WDR49: variants seen among roughly 807,000 people sequenced by gnomAD.
WDR49 encodes WD repeat domain 49, also known as cilia- and flagella-associated protein 337.
In WDR49, 107 loss-of-function variants were observed where a neutral mutation model predicts 119.5. The ratio of observed to expected loss-of-function variants is 0.90; its 90% confidence interval spans 0.77 to 1.05. The LOEUF is 1.05. WDR49 is among the 50% of genes least tolerant of loss of function. The pLI, the probability that WDR49 is intolerant of heterozygous loss-of-function variation, is 0.00. For missense variants in WDR49, 1,240 were observed against 1,220.5 expected, an observed-to-expected ratio of 1.02 and a Z score of -0.24; for synonymous variants, 425 against 418.8, an observed-to-expected ratio of 1.01 and a Z score of -0.18.
intron 5 of WDR49, among the ~76,000 whole-genome samples, chr3:167,618,584 A>G (rs1269992084): frequency 1.3e-5 from 2 of 152,176 alleles, no homozygotes. Context: ...ATTTTTAACT[A>G]TATATGTACA....
chr3:167,609,346 C>T (rs968173583), intron 5 of WDR49, among the ~76,000 whole-genome samples: 2 of 151,920 alleles, frequency 1.3e-5, no homozygotes, highest in African/African-American at 2.4e-5. Flanking sequence ...CCTTCTCCAC[C>T]CCTACCAGCA....
chr3:167,590,675 CAAGTTATT>C (rs1261104861), intron 7 of WDR49, among the ~76,000 whole-genome samples: 2 of 151,948 alleles, frequency 1.3e-5, no homozygotes, highest in Admixed American at 6.6e-5. Flanking sequence ...CCAGATTTGT[CAAGTTATT>C]AACATATAGT....
chr3:167,585,920 A>G (rs1201988433), intron 7 of WDR49, among the ~76,000 whole-genome samples: 1 of 152,140 alleles, frequency 6.6e-6, no homozygotes. Context: ...ATCATTTGCA[A>G]TTTTTATAGG....
At position 167,522,368 on chromosome 3, in the gene WDR49, G is replaced by C; in HGVS notation, c.2721C>G (p.Asp907Glu). Reference protein sequence around the residue: ...SLFSKEESCLDPTEHSLLNKK... With the variant: ...SLFSKEESCLEPTEHSLLNKK... ...TATTAAGTAGAGAATGTTCTGTTGG[G>C]TCTAAACAAGATTCCTCCTTAGAAA... is the stretch of plus-strand genomic sequence containing the variant. Residue 907 changes from aspartate (D) to glutamate (E), a missense_variant, in exon 16 of 19, where the codon GAC becomes GAG. By Grantham distance (45) the Asp-to-Glu change is conservative (BLOSUM62 2). Coordinates refer to ENST00000682715, the MANE Select transcript of WDR49 (RefSeq NM_001366157.1). The C allele has an allele frequency of 6.2e-7, 1 of 1,607,976 alleles. No homozygotes were observed. The highest frequency in any genetic ancestry group is 8.5e-7 in the Non-Finnish European group (1 of 1,178,440).
At chr3:167,641,653 T>C (rs1303885769) in intron 2 of WDR49, among the ~76,000 whole-genome samples, 1 of 151,936 alleles carries the variant, frequency 6.6e-6, no homozygotes, top group Non-Finnish European at 1.5e-5. Flanking sequence ...ATCAACATGT[T>C]AAATAACAAT....
chr3:167,503,359 AGCTCCCAAGATGGTGGCGGGCT>A (rs1751648339), intron 17 of WDR49, among the ~76,000 whole-genome samples: 1 of 152,192 alleles, frequency 6.6e-6, no homozygotes, highest in Non-Finnish European at 1.5e-5. Flanking sequence ...TTGCTCCCAG[AGCTCCCAAGATGGTGGCGGGCT>A]GCTTCCAAAA....
At chr3:167,561,493 C>A (rs1424368697) in intron 8 of WDR49, among the ~76,000 whole-genome samples, 1 of 152,080 alleles carries the variant, frequency 6.6e-6, no homozygotes, top group Non-Finnish European at 1.5e-5. Context: ...AAGAAACAGA[C>A]AAGAAACAGA....
At chr3:167,588,096 CT>C (rs1714911233) in intron 7 of WDR49, among the ~76,000 whole-genome samples, 1 of 152,072 alleles carries the variant, frequency 6.6e-6, no homozygotes, top group Non-Finnish European at 1.5e-5. Flanking sequence ...CCTCTCCAAC[CT>C]CCCCCACCAC....
intron 5 of WDR49, among the ~76,000 whole-genome samples, chr3:167,611,502 G>C (rs1028335019): frequency 6.6e-6 from 1 of 151,948 alleles, no homozygotes; most frequent in Non-Finnish European, 1.5e-5. Flanking sequence ...GAATTTAAAT[G>C]GATTAAACTC....
At chr3:167,528,098 C>T (rs890531630) in intron 14 of WDR49, 81 bp from the exon 15 acceptor site, 10 of 1,221,954 alleles carry the variant, frequency 8.2e-6, no homozygotes, top group Admixed American at 2.5e-5. Flanking sequence ...AAAAAAAGGC[C>T]GATTTTCAAA....
At chr3:167,638,404 C>T (rs1179266791) in intron 2 of WDR49, among the ~76,000 whole-genome samples, 1 of 151,504 alleles carries the variant, frequency 6.6e-6, no homozygotes, top group Non-Finnish European at 1.5e-5. Flanking sequence ...AATGAGTATA[C>T]ACTATCAAAA....
In WDR49 at chr3:167,560,108, T is replaced by C. The variant is rs1463866610; in HGVS notation, c.1630A>G (p.Asn544Asp). ...AEISTMALDA[N>D]ETRLLTGSTD... ...CTGCCAGTCAAAAGCCGAGTCTCAT[T>C]TGCATCAAGGGCCATAGTGCTGATT... The change falls in exon 9 of 19, where the codon AAT becomes GAT. Residue 544 changes from asparagine (N) to aspartate (D), a missense_variant. Transcript: ENST00000682715. The C allele has an allele frequency of 3.7e-6, 6 of 1,614,090 alleles. No individual in the cohort carries two copies. Among genetic ancestry groups the C allele is most frequent in the African/African-American group, 1.3e-5 (1 of 74,946 alleles).
At chr3:167,622,446 T>C (rs1018972943) in intron 3 of WDR49, among the ~76,000 whole-genome samples, 1 of 152,120 alleles carries the variant, frequency 6.6e-6, no homozygotes, top group South Asian at 2.1e-4. Flanking sequence ...GAAACATGCA[T>C]AAATTATTAA....
At chr3:167,629,493 G>A (rs1717273516) in intron 2 of WDR49, among the ~76,000 whole-genome samples, 1 of 152,054 alleles carries the variant, frequency 6.6e-6, no homozygotes, top group African/African-American at 2.4e-5. Flanking sequence ...TGCTAACACA[G>A]TGTACATACT....
At chr3:167,517,243 AG>A (rs546361311) in intron 16 of WDR49, among the ~76,000 whole-genome samples, 5 of 152,178 alleles carry the variant, frequency 3.3e-5, no homozygotes, top group Non-Finnish European at 7.4e-5. Flanking sequence ...ACAAAGCTGG[AG>A]GCATCAGGCT....
At chr3:167,570,790 C>G (rs1417923045) in intron 8 of WDR49, among the ~76,000 whole-genome samples, 1 of 152,164 alleles carries the variant, frequency 6.6e-6, no homozygotes, top group Non-Finnish European at 1.5e-5. Context: ...GCAATCCCAG[C>G]ACTTTGGGAA....
At chr3:167,578,936 C>T (rs1414735716) in intron 7 of WDR49, among the ~76,000 whole-genome samples, 1 of 152,074 alleles carries the variant, frequency 6.6e-6, no homozygotes, top group Non-Finnish European at 1.5e-5. Flanking sequence ...TATTTTTGAT[C>T]TAGAGTTTCA....
At chr3:167,645,678 A>G (rs1181179420) in intron 2 of WDR49, among the ~76,000 whole-genome samples, 1 of 152,040 alleles carries the variant, frequency 6.6e-6, no homozygotes, top group Admixed American at 6.6e-5. Context: ...TTGTTTCTCC[A>G]CCACCTTGAA....
chr3:167,558,703 C>T (rs1015928936), intron 9 of WDR49, among the ~76,000 whole-genome samples: 1 of 152,200 alleles, frequency 6.6e-6, no homozygotes, highest in Admixed American at 6.5e-5. Flanking sequence ...TCTGAATGTC[C>T]CCAGGTCCGA....
Sources: gnomAD v4.1 joint callset for allele counts (sites outside exome capture counted in the v4.1 genomes callset) on GRCh38, gnomAD v4.1.1 for gene constraint, MANE v1.5 for transcripts, NCBI Gene and HGNC (gene_info 2026-07-23, HGNC 2026-07-21) for gene names.